Variants in PDE4B observed in about 807,000 individuals in gnomAD.
PDE4B encodes the protein 3',5'-cyclic-AMP phosphodiesterase 4B.
A neutral mutation model predicts 82.2 loss-of-function variants in PDE4B; 20 were observed. The ratio of observed to expected loss-of-function variants is 0.24; its 90% CI spans 0.17 to 0.35. PDE4B has a LOEUF of 0.35. Among genes scored for constraint, PDE4B ranks in the 10% least tolerant of loss-of-function variants. The pLI, the probability that PDE4B is intolerant of heterozygous loss-of-function variation, is 1.00. For missense variants in PDE4B, 655 were observed against 907.2 expected, an observed-to-expected ratio of 0.72 and a Z score of 3.57; for synonymous variants, 320 against 318.9, an observed-to-expected ratio of 1.00 and a Z score of -0.04.
intron 3 of PDE4B, among the ~76,000 whole-genome samples, chr1:66,047,460 A>T (rs1654779320): frequency 6.6e-6 from 1 of 151,922 alleles, no homozygotes; most frequent in Non-Finnish European, 1.5e-5. Context: ...GTCCCTGTAC[A>T]ACTGAGTCAG....
chr1:66,018,274 G>A (rs541211246), intron 3 of PDE4B, among the ~76,000 whole-genome samples: 1 of 152,042 alleles, frequency 6.6e-6, no homozygotes, highest in South Asian at 2.1e-4. Context: ...AAAATTAGCC[G>A]GGCATGGTGG....
At chr1:66,071,899 AT>A (rs1367328453) in intron 3 of PDE4B, among the ~76,000 whole-genome samples, 19 of 152,112 alleles carry the variant, frequency 1.2e-4, no homozygotes, top group Admixed American at 1.1e-3. Flanking sequence ...TTAGAGGTTA[AT>A]TTGTACAACT....
Position 66,372,821 on chromosome 1 carries a change from G to A in PDE4B, c.*143G>A. 1.3e-6 allele frequency: 1 copy of A among 759,004 alleles called. No homozygotes were observed. The highest frequency in any genetic ancestry group is 2.1e-6 in the Non-Finnish European group (1 of 480,448). The allele number at this position is 759,004 out of a possible 1,614,324, so 47.0% of individuals were successfully genotyped here. A position where few individuals can be genotyped will look rare whatever the true frequency, so the allele number is the denominator to read the frequency against. On this transcript the variant is annotated 3_prime_UTR_variant, in exon 17 of 17. Transcript: ENST00000341517. ...AGTTACTTGAGTTTGGAGTCAGAAA[G>A]CAAGACCAGGAAGCAAATAGCAGCT...
chr1:65,826,880 C>T (rs1177981563), intron 1 of PDE4B, among the ~76,000 whole-genome samples: 1 of 152,122 alleles, frequency 6.6e-6, no homozygotes, highest in Non-Finnish European at 1.5e-5. Flanking sequence ...CACTCTTTAG[C>T]CCTACCCCAC....
chr1:65,817,047 G>A (rs537565205), intron 1 of PDE4B, among the ~76,000 whole-genome samples: 1 of 152,258 alleles, frequency 6.6e-6, no homozygotes, highest in South Asian at 2.1e-4. Context: ...CAATGTTTGT[G>A]AGGAGTGGGC....
At chr1:66,310,537 C>T (rs540357434) in intron 7 of PDE4B, among the ~76,000 whole-genome samples, 51 of 151,856 alleles carry the variant, frequency 3.4e-4, no homozygotes, top group African/African-American at 1.2e-3. Context: ...TTCTAGGATA[C>T]CCTCTTCTCA....
chr1:65,940,832 G>A lies in PDE4B; in HGVS notation c.281+21997G>A, dbSNP rs982994291. ...AGGTGTATGAATCTGGGTTTCAGAC[G>A]AGAGAGTGAAATTTCAGATGAGAGA... is the stretch of plus-strand genomic sequence containing the variant. On this transcript the variant is annotated intron_variant, in intron 3 of 16. Transcript: ENST00000341517. Among the ~76,000 whole-genome samples the A allele has an allele frequency of 8.5e-5, 13 of 152,048 alleles. No homozygotes were observed. The East Asian group carries it at 1.7e-3, about 20-fold the overall frequency.
intron 1 of PDE4B, among the ~76,000 whole-genome samples, chr1:65,823,835 A>G (rs1645984042): frequency 2.6e-5 from 4 of 152,186 alleles, no homozygotes; most frequent in Admixed American, 1.3e-4. Flanking sequence ...TATGAACACT[A>G]TAGTTTCTTC....
At chr1:65,945,886 C>T (rs1196765673) in intron 3 of PDE4B, among the ~76,000 whole-genome samples, 3 of 151,986 alleles carry the variant, frequency 2.0e-5, no homozygotes, top group Non-Finnish European at 4.4e-5. Context: ...CTTACCCAGA[C>T]CTTTTCATAC....
intron 1 of PDE4B, among the ~76,000 whole-genome samples, chr1:65,894,610 C>T (rs1183299304): frequency 6.6e-6 from 1 of 151,996 alleles, no homozygotes; most frequent in Non-Finnish European, 1.5e-5. Flanking sequence ...GAAATGTTTA[C>T]AAAGCATATA....
At chr1:65,873,229 GTT>G (rs1190062796) in intron 1 of PDE4B, among the ~76,000 whole-genome samples, 1 of 152,194 alleles carries the variant, frequency 6.6e-6, no homozygotes, top group African/African-American at 2.4e-5. Flanking sequence ...AGATTTTGAA[GTT>G]GTGTGTAGTG....
rs489150 is a variant in PDE4B at position 66,337,587 on chromosome 1, G to C, written c.747+4967G>C. ...GGAGATGGAAGGACATGGGGAAAGA[G>C]GAGGGCCAACCCATATCCAAGGAGT... On this transcript the variant is annotated intron_variant, in intron 8 of 16. Coordinates refer to ENST00000341517, the MANE Select transcript of PDE4B (RefSeq NM_002600.4). Among the ~76,000 whole-genome samples, 69 of 152,184 alleles carry C rather than the reference G, an allele frequency of 4.5e-4. 1 individual carries two copies. The South Asian group carries it at 0.014, about 31-fold the overall frequency.
At chr1:66,087,187 C>A (rs1291320856) in intron 3 of PDE4B, among the ~76,000 whole-genome samples, 3 of 152,092 alleles carry the variant, frequency 2.0e-5, no homozygotes, top group Non-Finnish European at 2.9e-5. Context: ...ATTGAAAGGG[C>A]AGTCAATGGC....
chr1:66,281,516 T>A (rs1237992731), intron 7 of PDE4B, among the ~76,000 whole-genome samples: 3 of 152,234 alleles, frequency 2.0e-5, no homozygotes, highest in Non-Finnish European at 4.4e-5. Flanking sequence ...ATGTAGGAAG[T>A]TTAACATGGG....
intron 3 of PDE4B, among the ~76,000 whole-genome samples, chr1:66,015,596 A>T (rs2100751539): frequency 6.6e-6 from 1 of 152,284 alleles, no homozygotes; most frequent in Admixed American, 6.5e-5. Context: ...CACAAGAAAA[A>T]AAAAACAGAA....
At chr1:66,078,085 G>A (rs895171485) in intron 3 of PDE4B, among the ~76,000 whole-genome samples, 49 of 152,246 alleles carry the variant, frequency 3.2e-4, no homozygotes, top group African/African-American at 1.2e-3. Context: ...TTTTACGAAA[G>A]AGAAAATTGA....
At chr1:66,331,077 A>T (rs149103883) in intron 7 of PDE4B, among the ~76,000 whole-genome samples, 171 of 152,336 alleles carry the variant, frequency 1.1e-3, no homozygotes, top group African/African-American at 3.6e-3. Context: ...AAGTGATTCC[A>T]GTTACTTGGA....
chr1:66,339,187 T>A (rs1310456622), intron 8 of PDE4B, among the ~76,000 whole-genome samples: 1 of 152,228 alleles, frequency 6.6e-6, no homozygotes, highest in Non-Finnish European at 1.5e-5. Flanking sequence ...TTTTTGGAAG[T>A]AACATGTCCA....
At chr1:66,057,486 T>C (rs939458035) in intron 3 of PDE4B, among the ~76,000 whole-genome samples, 1 of 152,204 alleles carries the variant, frequency 6.6e-6, no homozygotes, top group African/African-American at 2.4e-5. Context: ...ATACATATTA[T>C]ATTCGTTCAT....
Sources: gnomAD v4.1 joint callset for allele counts (sites outside exome capture counted in the v4.1 genomes callset) on GRCh38, gnomAD v4.1.1 for gene constraint, MANE v1.5 for transcripts, NCBI Gene and HGNC (gene_info 2026-07-23, HGNC 2026-07-21) for gene names.